Variants in DCLRE1C observed in about 807,000 individuals in gnomAD.
The protein encoded by DCLRE1C is protein artemis.
Under a neutral mutation model 61.4 loss-of-function variants are expected in DCLRE1C, and 47 were observed. The observed-to-expected ratio is 0.77, with a 90% CI of 0.61 to 0.98. The LOEUF (loss-of-function observed/expected upper bound fraction) is 0.98. Among genes scored for constraint, DCLRE1C ranks in the 50% least tolerant of loss-of-function variants. DCLRE1C has a pLI of 0.00. For missense variants in DCLRE1C, 858 were observed against 816.0 expected (o/e 1.05, Z -0.63); for synonymous variants, 337 against 287.6 (o/e 1.17, Z -1.74).
At chr10:14,935,229 G>C (rs985624440) in intron 6 of DCLRE1C, among the ~76,000 whole-genome samples, 16 of 152,036 alleles carry the variant, frequency 1.1e-4, no homozygotes, top group Non-Finnish European at 1.5e-5. Flanking sequence ...CACTTTGGGA[G>C]GCCAAGGGGG....
chr10:14,911,377 G>A (rs1338258792), intron 13 of DCLRE1C: 1 of 152,206 alleles, frequency 6.6e-6, no homozygotes, highest in Non-Finnish European at 1.5e-5. Flanking sequence ...CTATAAACAT[G>A]CTAACCACAT....
rs1554791938 is a variant in DCLRE1C, at chr10:14,936,606, T to C, written c.307-13A>G. The stretch of plus-strand genomic sequence containing the variant: ...CAATCTCTTCCTTCTAAAAAGAAAA[T>C]AAAGAAAAAATAGTAATGGAAAGCA... On this transcript the variant is annotated splice_polypyrimidine_tract_variant and intron_variant, in intron 4 of 13. Coordinates refer to ENST00000378278, the MANE Select transcript of DCLRE1C (RefSeq NM_001033855.3). 24 of 1,605,734 alleles carry C rather than the reference T, an allele frequency of 1.5e-5. No homozygotes were observed. The highest frequency in any genetic ancestry group is 6.6e-5 in the South Asian group (6 of 90,512).
chr10:14,911,468 A>C (rs192260645), intron 13 of DCLRE1C: 1 of 152,224 alleles, frequency 6.6e-6, no homozygotes, highest in Non-Finnish European at 1.5e-5. Context: ...AATGTATGGC[A>C]TTCAAAAACA....
rs545922548 is a variant in DCLRE1C, at chr10:14,906,621, G to C, written c.*1787C>G. Among the ~76,000 whole-genome samples, 4 of 152,248 alleles carry C rather than the reference G, an allele frequency of 2.6e-5. No individual in the cohort carries two copies. In the South Asian group the frequency reaches 8.3e-4, roughly 32 times the overall value. ...TCTTGTTACCCTGGTTAGTCTGGTG[G>C]ATCCAATACTTTTTGGTCGGATTGC... On this transcript the variant is annotated 3_prime_UTR_variant, in exon 14 of 14. Coordinates refer to ENST00000378278, the MANE Select transcript of DCLRE1C (RefSeq NM_001033855.3).
At chr10:14,938,697 C>CA (rs1169604783) in intron 4 of DCLRE1C, among the ~76,000 whole-genome samples, 2 of 152,126 alleles carry the variant, frequency 1.3e-5, no homozygotes, top group Non-Finnish European at 2.9e-5. Context: ...TTCCACTTGG[C>CA]AGAGCCCCTT....
At chr10:14,915,366 GAGA>G (rs377188233) in intron 13 of DCLRE1C, among the ~76,000 whole-genome samples, 5 of 151,878 alleles carry the variant, frequency 3.3e-5, no homozygotes, top group African/African-American at 9.7e-5. Context: ...CTTCTTATTT[GAGA>G]AGATCAGTAA....
chr10:14,911,289 G>A (rs1835212409), intron 13 of DCLRE1C: 1 of 152,240 alleles, frequency 6.6e-6, no homozygotes, highest in Non-Finnish European at 1.5e-5. Flanking sequence ...CCTTGCCTCA[G>A]TAGTGGGGAA....
chr10:14,937,312 G>A (rs1225933590), intron 4 of DCLRE1C, among the ~76,000 whole-genome samples: 1 of 133,976 alleles, frequency 7.5e-6, no homozygotes, highest in African/African-American at 2.9e-5. Flanking sequence ...TTGAGATGGA[G>A]TCTCACTCTG....
At chr10:14,938,641 T>C (rs372442245) in intron 4 of DCLRE1C, among the ~76,000 whole-genome samples, 2 of 152,166 alleles carry the variant, frequency 1.3e-5, no homozygotes, top group East Asian at 3.8e-4. Flanking sequence ...AAACCATACA[T>C]TCACAAAAGT....
At chr10:14,939,737 A>T (rs1342689611) in intron 4 of DCLRE1C, 73 bp downstream of exon 4, 15 of 1,341,770 alleles carry the variant, frequency 1.1e-5, no homozygotes, top group Non-Finnish European at 1.5e-5. Context: ...TGACTGCAAA[A>T]TCAAAGAGAA....
intron 13 of DCLRE1C, among the ~76,000 whole-genome samples, chr10:14,915,420 AGAGAAGAC>A (rs1438463788): frequency 1.3e-5 from 2 of 152,092 alleles, no homozygotes; most frequent in Non-Finnish European, 2.9e-5. Flanking sequence ...GAAAAAAATG[AGAGAAGAC>A]ACAAACTACT....
rs180764490 is a variant in DCLRE1C, at chr10:14,941,282, C to T, written c.247-1413G>A. 2.8e-3 allele frequency among the ~76,000 whole-genome samples: 432 copies of T among 152,232 alleles called. 2 individuals carry two copies. The highest frequency in any genetic ancestry group is 9.7e-3 in the African/African-American group (401 of 41,538). On this transcript the variant is annotated intron_variant, in intron 3 of 13. Transcript: ENST00000378278. ...CCACATTTCCATTGTCCATCAGCTC[C>T]TTTATTTATTTATTTATTTTGAGAC... is the stretch of plus-strand genomic sequence containing the variant.
chr10:14,899,693 G>T (rs769240981), downstream of DCLRE1C: 14 of 1,612,648 alleles, frequency 8.7e-6, no homozygotes, highest in Non-Finnish European at 1.0e-5. Context: ...AGCGTAAGAA[G>T]ACATACGTAA....
At chr10:14,898,423 G>C (rs1212810410) in exon 14 of DCLRE1C, 2 of 151,448 alleles carry the variant, frequency 1.3e-5, no homozygotes, top group African/African-American at 4.8e-5. Context: ...CTACATATCT[G>C]GAGTTGTCAA....
chr10:14,900,149 A>T (rs1333031273), downstream of DCLRE1C, among the ~76,000 whole-genome samples: 2 of 152,182 alleles, frequency 1.3e-5, no homozygotes, highest in African/African-American at 2.4e-5. Context: ...GTATTTATGT[A>T]GGGCTATTTT....
At chr10:14,929,771 C>T (rs1482179584) in intron 9 of DCLRE1C, among the ~76,000 whole-genome samples, 1 of 152,020 alleles carries the variant, frequency 6.6e-6, no homozygotes, top group East Asian at 1.9e-4. Flanking sequence ...TTTTGAAATC[C>T]AGAACCTTCC....
intron 3 of DCLRE1C, among the ~76,000 whole-genome samples, chr10:14,940,462 T>C (rs1200649968): frequency 6.6e-6 from 1 of 151,956 alleles, no homozygotes; most frequent in Non-Finnish European, 1.5e-5. Flanking sequence ...CTGAGTTTTT[T>C]GTACTTTTAG....
chr10:14,952,368 A>T (rs1202050848), intron 1 of DCLRE1C, among the ~76,000 whole-genome samples: 1 of 152,114 alleles, frequency 6.6e-6, no homozygotes, highest in Non-Finnish European at 1.5e-5. Context: ...GGGTGGATCT[A>T]CCTGAGGCCA....
chr10:14,939,558 C>T (rs1349696837), intron 4 of DCLRE1C, among the ~76,000 whole-genome samples: 4 of 152,060 alleles, frequency 2.6e-5, no homozygotes, highest in Non-Finnish European at 5.9e-5. Flanking sequence ...TTGTATAAGC[C>T]ACTCAGTCTA....
Sources: gnomAD v4.1 joint callset for allele counts (sites outside exome capture counted in the v4.1 genomes callset) on GRCh38, gnomAD v4.1.1 for gene constraint, MANE v1.5 for transcripts, NCBI Gene and HGNC (gene_info 2026-07-23, HGNC 2026-07-21) for gene names.